The following LUZP2 variants were observed in gnomAD, a reference collection of about 807,000 sequenced individuals.
LUZP2 encodes the protein leucine zipper protein 2.
In LUZP2, 52 loss-of-function variants were observed where a neutral mutation model predicts 51.6. The ratio of observed to expected loss-of-function variants is 1.01; its 90% CI spans 0.81 to 1.27. The LOEUF (loss-of-function observed/expected upper bound fraction) is 1.27. Among genes scored for constraint, LUZP2 ranks in the 50% most tolerant of loss-of-function variants. LUZP2 has a pLI of 0.00. For synonymous variants in LUZP2, 154 were observed against 137.3 expected (o/e 1.12, Z -0.85); for missense variants, 436 against 395.4 (o/e 1.10, Z -0.87).
intron 5 of LUZP2, among the ~76,000 whole-genome samples, chr11:24,863,535 C>G (rs1851800878): frequency 6.6e-6 from 1 of 150,922 alleles, no homozygotes; most frequent in South Asian, 2.1e-4. Context: ...TTGAAGTTTC[C>G]AAATACTGGG....
chr11:25,053,542 C>CT (rs35513610), intron 10 of LUZP2, among the ~76,000 whole-genome samples: 30 of 145,126 alleles, frequency 2.1e-4, no homozygotes, highest in African/African-American at 7.4e-4. Flanking sequence ...TCCCACATGC[C>CT]TTTTTTTTTT....
At chr11:24,555,854 CTG>C (rs983654265) in intron 1 of LUZP2, among the ~76,000 whole-genome samples, 3 of 152,112 alleles carry the variant, frequency 2.0e-5, no homozygotes, top group African/African-American at 7.2e-5. Flanking sequence ...TGGTGTGCGC[CTG>C]TAGTCCCAGC....
intron 1 of LUZP2, among the ~76,000 whole-genome samples, chr11:24,687,063 A>G (rs1856917839): frequency 6.6e-6 from 1 of 152,164 alleles, no homozygotes; most frequent in Admixed American, 6.6e-5. Flanking sequence ...AGAGAAGAAA[A>G]ACATTACACT....
chr11:24,941,063 G>A (rs1292846776), intron 7 of LUZP2, among the ~76,000 whole-genome samples: 12 of 152,104 alleles, frequency 7.9e-5, no homozygotes, highest in South Asian at 2.1e-4. Flanking sequence ...TTACTGTTGC[G>A]TTTAGATAGA....
At chr11:24,985,413 C>T (rs1033471968) in intron 9 of LUZP2, among the ~76,000 whole-genome samples, 1 of 151,390 alleles carries the variant, frequency 6.6e-6, no homozygotes, top group South Asian at 2.1e-4. Flanking sequence ...AATATTCTTT[C>T]GAATATATAA....
chr11:25,014,745 T>G (rs1272033294), intron 9 of LUZP2, among the ~76,000 whole-genome samples: 1 of 152,178 alleles, frequency 6.6e-6, no homozygotes, highest in African/African-American at 2.4e-5. Context: ...GCAGAAGCTC[T>G]TTAGTTTAAT....
intron 9 of LUZP2, among the ~76,000 whole-genome samples, chr11:25,011,295 C>G (rs1214174516): frequency 6.6e-6 from 1 of 152,134 alleles, no homozygotes; most frequent in African/African-American, 2.4e-5. Context: ...CTCCTTATAT[C>G]CATAAACTTA....
At chr11:24,782,058 G>C (rs1280146270) in intron 5 of LUZP2, among the ~76,000 whole-genome samples, 3 of 152,082 alleles carry the variant, frequency 2.0e-5, no homozygotes, top group Non-Finnish European at 4.4e-5. Context: ...ATCATTCAGA[G>C]AGCTTCTTTA....
chr11:24,804,446 A>G (rs954387425), intron 5 of LUZP2, among the ~76,000 whole-genome samples: 1 of 152,196 alleles, frequency 6.6e-6, no homozygotes, highest in African/African-American at 2.4e-5. Context: ...TTTAATAATT[A>G]CTGACACAGG....
At chr11:24,557,379 T>A (rs1245032021) in intron 1 of LUZP2, among the ~76,000 whole-genome samples, 1 of 149,364 alleles carries the variant, frequency 6.7e-6, no homozygotes, top group East Asian at 1.9e-4. Flanking sequence ...AGGAGCAGGA[T>A]GATTATGGTT....
At chr11:25,069,766 A>G (rs1159310634) in intron 10 of LUZP2, among the ~76,000 whole-genome samples, 2 of 151,868 alleles carry the variant, frequency 1.3e-5, no homozygotes, top group Admixed American at 6.6e-5. Context: ...ATGAAATAAA[A>G]CGTTAGTTCT....
chr11:24,562,477 A>G (rs1286846355), intron 1 of LUZP2, among the ~76,000 whole-genome samples: 6 of 151,618 alleles, frequency 4.0e-5, no homozygotes, highest in Non-Finnish European at 8.8e-5. Context: ...AAGGAAAAAA[A>G]AAGAAAAGAA....
At chr11:24,805,223 ACT>A (rs1228226795) in intron 5 of LUZP2, among the ~76,000 whole-genome samples, 2 of 151,990 alleles carry the variant, frequency 1.3e-5, no homozygotes, top group African/African-American at 2.4e-5. Flanking sequence ...GTGCAGGCAA[ACT>A]CTGATTTTTA....
chr11:24,778,862 A>G (rs1023531828), intron 5 of LUZP2, among the ~76,000 whole-genome samples: 2 of 152,188 alleles, frequency 1.3e-5, no homozygotes, highest in African/African-American at 4.8e-5. Flanking sequence ...CAAAAACTAT[A>G]AATTCTTAGT....
At chr11:24,812,608 A>G in intron 5 of LUZP2, among the ~76,000 whole-genome samples, 1 of 152,194 alleles carries the variant, frequency 6.6e-6, no homozygotes, top group East Asian at 1.9e-4. Flanking sequence ...AGATAACATA[A>G]ATAAAGCTAT....
intron 1 of LUZP2, among the ~76,000 whole-genome samples, chr11:24,674,152 A>G (rs1314734521): frequency 6.6e-6 from 1 of 152,178 alleles, no homozygotes; most frequent in Non-Finnish European, 1.5e-5. Context: ...AATCTTTATA[A>G]TAACTGTAGA....
intron 5 of LUZP2, chr11:24,891,809 A>G: frequency 2.0e-6 from 2 of 977,124 alleles, no homozygotes; most frequent in African/African-American, 1.8e-5. Flanking sequence ...AAACAAGGCA[A>G]CAAATTGGGA....
At chr11:24,527,036 A>G (rs375738669) in intron 1 of LUZP2, among the ~76,000 whole-genome samples, 188 of 151,452 alleles carry the variant, frequency 1.2e-3, no homozygotes, top group African/African-American at 4.4e-3. Context: ...GCTTTTTATT[A>G]TCTTTATTTC....
intron 9 of LUZP2, among the ~76,000 whole-genome samples, chr11:25,015,217 T>A (rs1327519202): frequency 6.6e-6 from 1 of 152,190 alleles, no homozygotes; most frequent in East Asian, 1.9e-4. Context: ...TATCCTGTTT[T>A]AAAAATAAAC....
Sources: allele counts gnomAD v4.1 joint callset (sites outside exome capture counted in the v4.1 genomes callset), GRCh38; gene constraint gnomAD v4.1.1; transcripts MANE v1.5; gene names NCBI Gene and HGNC (gene_info 2026-07-23, HGNC 2026-07-21).